Variants in CMSS1 observed in about 807,000 individuals in gnomAD.
CMSS1 encodes cms1 ribosomal small subunit homolog.
Under a neutral mutation model 43.5 loss-of-function variants are expected in CMSS1, and 33 were observed. The ratio of observed to expected loss-of-function variants is 0.76; its 90% CI spans 0.57 to 1.01. CMSS1 has a LOEUF of 1.01. CMSS1 is among the 50% of genes least tolerant of loss of function. The pLI, the probability that CMSS1 is intolerant of heterozygous loss-of-function variation, is 0.00. For missense variants in CMSS1, 313 were observed against 326.4 expected, an observed-to-expected ratio of 0.96 and a Z score of 0.32; for synonymous variants, 115 against 117.2, an observed-to-expected ratio of 0.98 and a Z score of 0.12.
intron 1 of CMSS1, among the ~76,000 whole-genome samples, chr3:99,912,121 G>T (rs1559685376): frequency 6.6e-6 from 1 of 152,112 alleles, no homozygotes; most frequent in Non-Finnish European, 1.5e-5. Context: ...AATCAATCAA[G>T]TTATACATCC....
At chr3:100,015,182 C>T (rs7648943) in intron 1 of CMSS1, among the ~76,000 whole-genome samples, 1,877 of 151,820 alleles carry the variant, frequency 0.012, 23 homozygotes, top group African/African-American at 0.028. Context: ...TTGGTACCTT[C>T]GTTGTAGATC....
rs1486147365 is a variant in CMSS1, at chr3:99,839,555, C to G, written c.64+21512C>G. 2.6e-5 allele frequency among the ~76,000 whole-genome samples: 4 copies of G among 152,188 alleles called. No individual in the cohort carries two copies. The South Asian group carries it at 8.3e-4, about 32-fold the overall frequency. ...ATTCCTGCTGAAAACCAATTCCCTT[C>G]TCCCCCGACTCCATTTAAAGCCAAG... On this transcript the variant is annotated intron_variant, in intron 1 of 9. Transcript: ENST00000421999.
chr3:100,114,842 T>G (rs1559762222), intron 1 of CMSS1: 6 of 744,010 alleles, frequency 8.1e-6, no homozygotes, highest in East Asian at 2.8e-5. Context: ...GCATGACCCC[T>G]TCTTTGACAC....
chr3:99,948,312 G>A (rs1362423699), intron 1 of CMSS1, among the ~76,000 whole-genome samples: 1 of 151,946 alleles, frequency 6.6e-6, no homozygotes, highest in African/African-American at 2.4e-5. Flanking sequence ...TAGCAACATA[G>A]TGAGACTGTC....
intron 8 of CMSS1, 86 bp downstream of exon 8, chr3:100,172,489 A>G: frequency 2.0e-6 from 2 of 1,009,790 alleles, no homozygotes; most frequent in South Asian, 3.0e-5. Context: ...AATTCAGGAT[A>G]TACAAAAACC....
intron 1 of CMSS1, among the ~76,000 whole-genome samples, chr3:99,975,232 A>T (rs1445964589): frequency 6.6e-6 from 1 of 152,184 alleles, no homozygotes; most frequent in Non-Finnish European, 1.5e-5. Context: ...TCCTTCATTC[A>T]TGCATCCATT....
At chr3:100,022,056 C>CAGT (rs1455842596) in intron 1 of CMSS1, among the ~76,000 whole-genome samples, 1 of 151,494 alleles carries the variant, frequency 6.6e-6, no homozygotes, top group Admixed American at 6.6e-5. Context: ...AAAGCATTTG[C>CAGT]AGTAGCTTGT....
chr3:99,840,559 T>G (rs182522021), intron 1 of CMSS1, among the ~76,000 whole-genome samples: 1 of 152,266 alleles, frequency 6.6e-6, no homozygotes, highest in Non-Finnish European at 1.5e-5. Context: ...ATCTAGTAGT[T>G]TTGACATCTG....
chr3:100,136,046 G>A (rs2066750396), intron 1 of CMSS1, among the ~76,000 whole-genome samples: 1 of 152,118 alleles, frequency 6.6e-6, no homozygotes, highest in African/African-American at 2.4e-5. Context: ...CACTAAAAAT[G>A]GCAAAATGAA....
chr3:99,914,391 C>T (rs955970473), intron 1 of CMSS1, among the ~76,000 whole-genome samples: 2 of 152,116 alleles, frequency 1.3e-5, no homozygotes, highest in Non-Finnish European at 2.9e-5. Context: ...AATACTCTTT[C>T]AATAAAATGT....
chr3:99,988,775 A>G (rs1445881646), intron 1 of CMSS1, among the ~76,000 whole-genome samples: 1 of 152,184 alleles, frequency 6.6e-6, no homozygotes, highest in African/African-American at 2.4e-5. Context: ...TAGTATAATA[A>G]CACTTAAACT....
chr3:100,000,445 T>TA (rs1709809675), intron 1 of CMSS1, among the ~76,000 whole-genome samples: 1 of 152,172 alleles, frequency 6.6e-6, no homozygotes, highest in Non-Finnish European at 1.5e-5. Context: ...GATCTAGTAA[T>TA]ATGTGTGACT....
chr3:99,839,799 GT>G (rs1943051156), intron 1 of CMSS1, among the ~76,000 whole-genome samples: 2 of 152,168 alleles, frequency 1.3e-5, no homozygotes, highest in South Asian at 4.1e-4. Flanking sequence ...TTCAGTATAG[GT>G]TTTTAAAGTT....
intron 1 of CMSS1, chr3:99,833,062 T>G (rs1197634458): frequency 1.6e-6 from 1 of 641,390 alleles, no homozygotes; most frequent in African/African-American, 1.9e-5. Flanking sequence ...CAGTGAATGT[T>G]CTACTCAGAG....
intron 1 of CMSS1, among the ~76,000 whole-genome samples, chr3:99,902,362 A>G (rs1484977606): frequency 2.0e-5 from 3 of 152,214 alleles, no homozygotes; most frequent in Non-Finnish European, 4.4e-5. Context: ...TTGAACAGAT[A>G]TTCAACTCAT....
chr3:100,158,022 C>G (rs182594123), intron 2 of CMSS1, among the ~76,000 whole-genome samples: 2 of 152,284 alleles, frequency 1.3e-5, no homozygotes, highest in East Asian at 3.9e-4. Context: ...CAAGTCACTT[C>G]TATCCAGCTC....
chr3:99,916,725 G>C (rs1289567540), intron 1 of CMSS1, among the ~76,000 whole-genome samples: 6 of 152,076 alleles, frequency 3.9e-5, no homozygotes, highest in Admixed American at 2.0e-4. Context: ...ATGCTTCATG[G>C]TCCATGCTCC....
At chr3:100,050,394 C>A (rs2065349820) in intron 1 of CMSS1, among the ~76,000 whole-genome samples, 1 of 152,110 alleles carries the variant, frequency 6.6e-6, no homozygotes, top group East Asian at 1.9e-4. Context: ...AATTTTAAAT[C>A]TCTTAAAATT....
intron 1 of CMSS1, among the ~76,000 whole-genome samples, chr3:99,858,488 A>C (rs1330092779): frequency 2.0e-5 from 3 of 152,242 alleles, no homozygotes; most frequent in Non-Finnish European, 4.4e-5. Context: ...AAAAAAAATC[A>C]TTTGTTAAAA....
Sources: gnomAD v4.1 joint callset for allele counts (sites outside exome capture counted in the v4.1 genomes callset) on GRCh38, gnomAD v4.1.1 for gene constraint, MANE v1.5 for transcripts, NCBI Gene and HGNC (gene_info 2026-07-23, HGNC 2026-07-21) for gene names.